VSTM5: variants seen among roughly 807,000 people sequenced by gnomAD.
VSTM5 encodes V-set and transmembrane domain containing 5.
Under a neutral mutation model 20.3 loss-of-function variants are expected in VSTM5, and 21 were observed. The ratio of observed to expected loss-of-function variants is 1.03; its 90% CI spans 0.73 to 1.49. The LOEUF (loss-of-function observed/expected upper bound fraction) is 1.49, where lower values mean the gene tolerates loss of function less well. Ranked by LOEUF, VSTM5 falls within the 40% of genes most tolerant of loss-of-function variation. The pLI is 0.00. For synonymous variants in VSTM5, 100 were observed against 102.5 expected, an observed-to-expected ratio of 0.98 and a Z score of 0.14; for missense variants, 219 against 250.0, an observed-to-expected ratio of 0.88 and a Z score of 0.84.
At chr11:93,843,178 C>T (rs1944384918) in intron 1 of VSTM5, among the ~76,000 whole-genome samples, 1 of 152,064 alleles carries the variant, frequency 6.6e-6, no homozygotes, top group African/African-American at 2.4e-5. Context: ...TAGGCCAATT[C>T]CTCTTTATCC....
intron 1 of VSTM5, among the ~76,000 whole-genome samples, chr11:93,833,382 C>T (rs1269315820): frequency 1.3e-5 from 2 of 152,084 alleles, no homozygotes; most frequent in African/African-American, 4.8e-5. Context: ...AGTTCAAGAC[C>T]AGCCTAGACA....
intron 1 of VSTM5, among the ~76,000 whole-genome samples, chr11:93,822,423 A>G (rs964767755): frequency 2.0e-5 from 3 of 151,162 alleles, no homozygotes; most frequent in Non-Finnish European, 4.4e-5. Context: ...ACATGCCCAC[A>G]TAACGGAAGA....
chr11:93,821,019 G>A lies in VSTM5; in HGVS notation c.396C>T (p.Gly132=). 2 of 1,551,720 alleles carry A rather than the reference G, an allele frequency of 1.3e-6. No homozygotes were observed. The highest frequency in any genetic ancestry group is 1.7e-6 in the Non-Finnish European group (2 of 1,146,996). Residue 132 remains glycine (G), a synonymous_variant, in exon 2 of 4, where the codon GGC becomes GGT. Coordinates refer to ENST00000409977, the MANE Select transcript of VSTM5 (RefSeq NM_001144871.2). ...TACCAGAGACGTGCAGCACGATGGT[G>A]CCAAACTGGCTGCTCCCCAGGCGCT... The part of the protein sequence containing the change: ...VTERLGSSQF[G]TIVLHVSEIL...
chr11:93,839,453 C>G (rs584084), intron 1 of VSTM5, among the ~76,000 whole-genome samples: 112,082 of 152,174 alleles, frequency 0.74, 43,465 homozygotes, highest in South Asian at 0.86. Context: ...GTCTCCTGCT[C>G]CTTAGAAGTT....
rs949105125 is a variant in VSTM5 at position 93,820,903 on chromosome 11, G to A, written c.419-20C>T. The A allele has an allele frequency of 6.4e-7, 1 of 1,550,934 alleles. No individual in the cohort carries two copies. Among genetic ancestry groups the A allele is most frequent in the Non-Finnish European group, 8.7e-7 (1 of 1,146,940 alleles). Reference sequence around the variant, plus strand: ...GGATCTCTATGGAGTGAGGGTGAGGGGAGGGGGAAGACAACATTTCTTTTA... The same window carrying A: ...GGATCTCTATGGAGTGAGGGTGAGGAGAGGGGGAAGACAACATTTCTTTTA... On this transcript the variant is annotated intron_variant, in intron 2 of 3. Coordinates refer to ENST00000409977, the MANE Select transcript of VSTM5 (RefSeq NM_001144871.2).
intron 1 of VSTM5, among the ~76,000 whole-genome samples, chr11:93,834,233 C>T (rs1157544777): frequency 4.6e-5 from 7 of 152,170 alleles, no homozygotes; most frequent in Non-Finnish European, 1.0e-4. Flanking sequence ...TCACCAAACT[C>T]AACAGGGCCC....
chr11:93,843,497 C>G (rs929751332), intron 1 of VSTM5, among the ~76,000 whole-genome samples: 2 of 151,982 alleles, frequency 1.3e-5, no homozygotes, highest in Non-Finnish European at 2.9e-5. Context: ...TGTCTTTAGG[C>G]AAGTCCCTCA....
chr11:93,846,763 T>C lies in VSTM5; in HGVS notation c.91+3649A>G, dbSNP rs1944413722. Among the ~76,000 whole-genome samples the C allele has an allele frequency of 6.8e-5, 7 of 102,758 alleles. No homozygotes were observed. In the South Asian group the frequency reaches 2.6e-3, roughly 38 times the overall value. 67.4% of individuals were successfully genotyped at this position (102,758 alleles called of 152,430 possible). ...TGAATGCATTTTTAAAAAATTTTTT[T>C]TAATTTTTTTTTTTTTTTTTTTGAG... is the stretch of plus-strand genomic sequence containing the variant. On this transcript the variant is annotated intron_variant, in intron 1 of 3. Transcript: ENST00000409977.
intron 1 of VSTM5, among the ~76,000 whole-genome samples, chr11:93,833,120 G>A (rs1334328523): frequency 6.6e-6 from 1 of 152,170 alleles, no homozygotes; most frequent in Non-Finnish European, 1.5e-5. Flanking sequence ...TTAGTACTTA[G>A]TATGTTATAC....
At chr11:93,844,158 C>T (rs1293777759) in intron 1 of VSTM5, among the ~76,000 whole-genome samples, 1 of 152,204 alleles carries the variant, frequency 6.6e-6, no homozygotes, top group Admixed American at 6.5e-5. Context: ...ATTGAATTGA[C>T]CTGACATAAG....
Position 93,837,011 on chromosome 11 carries a change from G to GCACACACACACACACACACACACA in VSTM5, c.91+13377_91+13400dup, listed in dbSNP as rs59949447. 2.8e-5 allele frequency among the ~76,000 whole-genome samples: 4 copies of GCACACACACACACACACACACACA among 140,834 alleles called. No homozygotes were observed. The East Asian group carries it at 8.6e-4, about 30-fold the overall frequency. The allele number at this position is 140,834 out of a possible 152,430, so 92.4% of individuals were successfully genotyped here. A position where few individuals can be genotyped will look rare whatever the true frequency, so the allele number is the denominator to read the frequency against. Reference sequence around the variant, plus strand: ...CTTCTTTTTGCCTGAAAAAAAAAATGCACACACACACACACACACACACAC... The same window carrying GCACACACACACACACACACACACA: ...CTTCTTTTTGCCTGAAAAAAAAAATGCACACACACACACACACACACACACACACACACACACACACACACACAC... On this transcript the variant is annotated intron_variant, in intron 1 of 3. Coordinates refer to ENST00000409977, the MANE Select transcript of VSTM5 (RefSeq NM_001144871.2).
At chr11:93,840,101 G>A (rs908955238) in intron 1 of VSTM5, among the ~76,000 whole-genome samples, 5 of 152,160 alleles carry the variant, frequency 3.3e-5, no homozygotes, top group African/African-American at 1.2e-4. Context: ...CTGACACCTT[G>A]ATCCCAGACT....
intron 1 of VSTM5, among the ~76,000 whole-genome samples, chr11:93,833,666 C>T (rs2135734645): frequency 6.6e-6 from 1 of 152,286 alleles, no homozygotes; most frequent in Admixed American, 6.5e-5. Flanking sequence ...AACCTCTTGC[C>T]AAGAAAACAA....
intron 1 of VSTM5, among the ~76,000 whole-genome samples, chr11:93,825,476 T>C (rs149119464): frequency 2.0e-5 from 3 of 152,248 alleles, no homozygotes; most frequent in African/African-American, 7.2e-5. Flanking sequence ...GGCCTGCTTT[T>C]TTGATTTCTC....
chr11:93,839,779 G>A (rs58976781), intron 1 of VSTM5, among the ~76,000 whole-genome samples: 31,093 of 152,050 alleles, frequency 0.2, 3,891 homozygotes, highest in African/African-American at 0.36. Context: ...ATAGTGTGTC[G>A]CCAAAAAGAT....
intron 1 of VSTM5, among the ~76,000 whole-genome samples, chr11:93,849,808 A>G (rs1019528680): frequency 2.0e-5 from 3 of 152,218 alleles, no homozygotes; most frequent in Non-Finnish European, 2.9e-5. Flanking sequence ...CGGCCATCCA[A>G]AGCAAATCTA....
chr11:93,846,786 G>GTTTT (rs1944415357), intron 1 of VSTM5, among the ~76,000 whole-genome samples: 1 of 68,976 alleles, frequency 1.4e-5, no homozygotes, highest in African/African-American at 6.2e-5. Flanking sequence ...TTTTTTTTTT[G>GTTTT]AGATGGAGTC....
At chr11:93,822,231 G>C (rs952410907) in intron 1 of VSTM5, among the ~76,000 whole-genome samples, 1 of 151,848 alleles carries the variant, frequency 6.6e-6, no homozygotes, top group Non-Finnish European at 1.5e-5. Context: ...ACAGGTGCCC[G>C]CCACCACACC....
At chr11:93,822,977 G>A (rs1057503844) in intron 1 of VSTM5, among the ~76,000 whole-genome samples, 1 of 152,148 alleles carries the variant, frequency 6.6e-6, no homozygotes, top group African/African-American at 2.4e-5. Context: ...TGGTGGTCAA[G>A]GTTACTAACA....
Sources: allele counts gnomAD v4.1 joint callset (sites outside exome capture counted in the v4.1 genomes callset), GRCh38; gene constraint gnomAD v4.1.1; transcripts MANE v1.5; gene names NCBI Gene and HGNC (gene_info 2026-07-23, HGNC 2026-07-21).